Variants in FER1L6 observed in about 807,000 individuals in gnomAD.
The protein encoded by FER1L6 is fer-1-like protein 6.
In FER1L6, 177 loss-of-function variants were observed where a neutral mutation model predicts 219.2. The ratio of observed to expected loss-of-function variants is 0.81; its 90% CI spans 0.71 to 0.91. The LOEUF (loss-of-function observed/expected upper bound fraction) is 0.91. Among genes scored for constraint, FER1L6 ranks in the 40% least tolerant of loss-of-function variants. FER1L6 has a pLI of 0.00. For missense variants in FER1L6, 2,153 were observed against 2,259.9 expected, an observed-to-expected ratio of 0.95 and a Z score of 0.96; for synonymous variants, 768 against 824.3, an observed-to-expected ratio of 0.93 and a Z score of 1.17.
rs145824872 is a variant in FER1L6, at chr8:123,877,730, C to T, written c.-8+25545C>T. ...TCCACCGGAATATGTATGTGAAATA[C>T]GCTTCCTTTAACTTTGGTTTCTCTA... On this transcript the variant is annotated intron_variant, in intron 1 of 40. Coordinates refer to ENST00000522917, the MANE Select transcript of FER1L6 (RefSeq NM_001039112.2). Among the ~76,000 whole-genome samples, 766 of 150,168 alleles carry T rather than the reference C, an allele frequency of 5.1e-3. 1 individual carries two copies. Among genetic ancestry groups the T allele is most frequent in the Non-Finnish European group, 7.8e-3 (527 of 67,778 alleles).
chr8:123,935,050 A>G (rs1046503074), intron 1 of FER1L6, among the ~76,000 whole-genome samples: 2 of 152,324 alleles, frequency 1.3e-5, no homozygotes, highest in East Asian at 1.9e-4. Flanking sequence ...GTAGTTCTTT[A>G]TAGAAAGGAC....
intron 29 of FER1L6, 116 bp from the exon 30 acceptor site, chr8:124,070,351 C>T: frequency 8.8e-7 from 1 of 1,133,848 alleles, no homozygotes; most frequent in Non-Finnish European, 1.2e-6. Context: ...CCAGTGGCCT[C>T]AGATTTTCCC....
intron 1 of FER1L6, among the ~76,000 whole-genome samples, chr8:123,935,739 A>G (rs1295570776): frequency 6.6e-6 from 1 of 152,148 alleles, no homozygotes; most frequent in African/African-American, 2.4e-5. Context: ...TAAAACCACA[A>G]GTTAAATGAT....
rs1820728813 is a variant in FER1L6, at chr8:124,064,336, T to C, written c.3329-11T>C. The C allele has an allele frequency of 1.9e-6, 3 of 1,610,866 alleles. No individual in the cohort carries two copies. The highest frequency in any genetic ancestry group is 2.5e-6 in the Non-Finnish European group (3 of 1,177,544). On this transcript the variant is annotated splice_polypyrimidine_tract_variant and intron_variant, in intron 25 of 40. Transcript: ENST00000522917. ...AGCCCAGCTCCCTGACCTGATGTGC[T>C]TTCATTTCAGATATTTCAGATTCGC...
chr8:123,854,041 T>C (rs1382478107), intron 1 of FER1L6, among the ~76,000 whole-genome samples: 8 of 152,314 alleles, frequency 5.3e-5, no homozygotes, highest in African/African-American at 1.9e-4. Context: ...GTGTGACTTC[T>C]GGCAGGCTCC....
In FER1L6 at chr8:124,045,781, CCT is replaced by C. The variant is rs771421871; in HGVS notation, c.2610_2611del (p.Pro871AspfsTer10). On this transcript the variant is annotated frameshift_variant, in exon 21 of 41. Coordinates refer to ENST00000522917, the MANE Select transcript of FER1L6 (RefSeq NM_001039112.2). LOFTEE classifies it high-confidence loss of function. ...CCTGCTTCCAGATAATCTCCCAGAC[CCT>C]CTCTCCGACCTGGAACCAGATGCTG... is the stretch of plus-strand genomic sequence containing the variant. Reference protein sequence around the residue: ...CQTTKIISQTLSPTWNQMLLF... With the variant: ...CQTTKIISQTXSPTWNQMLLF... 6.2e-7 allele frequency: 1 copy of C among 1,614,036 alleles called. No homozygotes were observed. The highest frequency in any genetic ancestry group is 1.1e-5 in the South Asian group (1 of 91,076).
rs547714311 is a variant in FER1L6 at position 123,961,958 on chromosome 8, C to T, written c.77-1320C>T. Among the ~76,000 whole-genome samples, 4 of 147,194 alleles carry T rather than the reference C, an allele frequency of 2.7e-5. No homozygotes were observed. The East Asian group carries it at 6.0e-4, about 22-fold the overall frequency. On this transcript the variant is annotated intron_variant, in intron 2 of 40. Transcript: ENST00000522917. ...AGGCTGGAGGGCAGTGGCACAATGT[C>T]GGCTCACTGCAATCTCCACCTACTG... is the stretch of plus-strand genomic sequence containing the variant.
chr8:124,106,881 TTGAA>T (rs1222391732), intron 39 of FER1L6, among the ~76,000 whole-genome samples: 4 of 152,162 alleles, frequency 2.6e-5, no homozygotes, highest in African/African-American at 9.7e-5. Flanking sequence ...CAAATATTTA[TTGAA>T]TGAATCAATT....
At chr8:123,896,825 A>G (rs1209121936) in intron 1 of FER1L6, among the ~76,000 whole-genome samples, 1 of 152,112 alleles carries the variant, frequency 6.6e-6, no homozygotes, top group Admixed American at 6.5e-5. Context: ...CTCTAATCTC[A>G]GTCTCTTCCT....
chr8:123,992,017 A>G (rs28885416), intron 12 of FER1L6, among the ~76,000 whole-genome samples: 8,196 of 152,166 alleles, frequency 0.054, 535 homozygotes, highest in African/African-American at 0.16. Context: ...ACTTTCATAC[A>G]TTAAACCATT....
intron 5 of FER1L6, among the ~76,000 whole-genome samples, chr8:123,969,048 G>C (rs535046537): frequency 6.6e-6 from 1 of 152,170 alleles, no homozygotes; most frequent in East Asian, 1.9e-4. Context: ...CTTGAGTTTG[G>C]GAGGATCTTG....
intron 13 of FER1L6, 38 bp downstream of exon 13, chr8:124,003,385 G>T (rs760447861): frequency 1.3e-6 from 2 of 1,496,012 alleles, no homozygotes; most frequent in African/African-American, 2.8e-5. Context: ...CAAGGATTTT[G>T]CTGGTGGAAT....
intron 33 of FER1L6, among the ~76,000 whole-genome samples, chr8:124,090,890 T>C (rs547714698): frequency 1.3e-5 from 2 of 152,210 alleles, no homozygotes; most frequent in African/African-American, 4.8e-5. Context: ...CCTTGAAACT[T>C]GGAATAAGCA....
chr8:123,939,770 T>C (rs1292062410), intron 1 of FER1L6, among the ~76,000 whole-genome samples: 1 of 152,184 alleles, frequency 6.6e-6, no homozygotes, highest in African/African-American at 2.4e-5. Context: ...GTGCTCCCTG[T>C]AGCTGGAGAT....
rs1586627088 is a variant in FER1L6, at chr8:124,041,091, T to G, written c.2589+1085T>G. On this transcript the variant is annotated intron_variant, in intron 20 of 40. Coordinates refer to ENST00000522917, the MANE Select transcript of FER1L6 (RefSeq NM_001039112.2). ...TTCTGTTCTTTAAACATTTATTCTG[T>G]TCTCTGATTTGTGGTTTGAAAAGAG... Among the ~76,000 whole-genome samples, 6 of 152,318 alleles carry G rather than the reference T, an allele frequency of 3.9e-5. No individual in the cohort carries two copies. In the South Asian group the frequency reaches 1.2e-3, roughly 32 times the overall value.
rs112682600 is a variant in FER1L6 at position 123,852,132 on chromosome 8, C to G, written c.-61C>G. On this transcript the variant is annotated 5_prime_UTR_variant, in exon 1 of 41. Coordinates refer to ENST00000522917, the MANE Select transcript of FER1L6 (RefSeq NM_001039112.2). The surrounding 1 kb of genome is among the most constrained non-coding windows in gnomAD (Gnocchi z 4.9). ...GCGCTTCATTTGCTGTGAAGTGAGTCCCTTGATCAGAGCAATGCTGTGTGG... is the reference window on the plus strand; with the variant it reads ...GCGCTTCATTTGCTGTGAAGTGAGTGCCTTGATCAGAGCAATGCTGTGTGG... The G allele has an allele frequency of 0.016, 2,507 of 152,318 alleles. 31 individuals are homozygous for G. The highest frequency in any genetic ancestry group is 0.02 in the African/African-American group (850 of 41,550). The allele number at this position is 152,318 out of a possible 1,614,324, so 9.4% of individuals were successfully genotyped here.
chr8:123,892,590 CAG>C (rs1718540422), intron 1 of FER1L6, among the ~76,000 whole-genome samples: 1 of 152,302 alleles, frequency 6.6e-6, no homozygotes, highest in East Asian at 1.9e-4. Context: ...CATGCCTGGC[CAG>C]AGAGACAGAT....
At chr8:124,035,124 C>T (rs1034655165) in intron 18 of FER1L6, among the ~76,000 whole-genome samples, 153 bp from the exon 19 acceptor site, 1 of 152,194 alleles carries the variant, frequency 6.6e-6, no homozygotes, top group Non-Finnish European at 1.5e-5. Flanking sequence ...CAATTGGGGC[C>T]ATTGTCTTTA....
chr8:124,023,253 T>C (rs1263236428), intron 17 of FER1L6, among the ~76,000 whole-genome samples, 191 bp from the exon 18 acceptor site: 1 of 152,194 alleles, frequency 6.6e-6, no homozygotes, highest in Non-Finnish European at 1.5e-5. Context: ...TAAGGCTTTC[T>C]CTTCTCTAGG....
Sources: gnomAD v4.1 joint callset for allele counts (sites outside exome capture counted in the v4.1 genomes callset) on GRCh38, gnomAD v4.1.1 for gene constraint, Gnocchi (gnomAD v3.1) non-coding constraint, MANE v1.5 for transcripts, NCBI Gene and HGNC (gene_info 2026-07-23, HGNC 2026-07-21) for gene names.